The following TBCD variants were observed in gnomAD, a reference collection of about 807,000 sequenced individuals.
TBCD encodes the protein tubulin folding cofactor D.
Under a neutral mutation model 169.3 loss-of-function variants are expected in TBCD, and 105 were observed. The ratio of observed to expected loss-of-function variants is 0.62; its 90% CI spans 0.53 to 0.73. The LOEUF (loss-of-function observed/expected upper bound fraction) is 0.73, where lower values mean the gene tolerates loss of function less well. Ranked by LOEUF, TBCD falls within the 30% of genes least tolerant of loss-of-function variation. TBCD has a pLI of 0.00. For missense variants in TBCD, 1,444 were observed against 1,600.1 expected (o/e 0.90, Z 1.66); for synonymous variants, 700 against 643.9 (o/e 1.09, Z -1.32).
chr17:82,796,311 T>C (rs1191715246), intron 7 of TBCD, among the ~76,000 whole-genome samples: 1 of 152,246 alleles, frequency 6.6e-6, no homozygotes, highest in Non-Finnish European at 1.5e-5. Context: ...TTAAATTAGA[T>C]ACATCTGGAC....
At chr17:82,792,475 C>T (rs927801343) in intron 7 of TBCD, among the ~76,000 whole-genome samples, 2 of 152,106 alleles carry the variant, frequency 1.3e-5, no homozygotes, top group African/African-American at 2.4e-5. Flanking sequence ...GACTCTAGTG[C>T]GATACACTGT....
chr17:82,876,878 A>G, intron 14 of TBCD: 3 of 708,678 alleles, frequency 4.2e-6, no homozygotes, highest in Middle Eastern at 7.3e-4. Flanking sequence ...CTGCCGGGAG[A>G]GGGAGCCGGG....
Position 82,923,864 on chromosome 17 carries a change from C to A in TBCD, c.2260+131C>A. ...CACCACGATCATGGCTGGAGTGGGA[C>A]TGTTCGGGTCTCAGGTTCCCAGCCG... On this transcript the variant is annotated intron_variant, in intron 26 of 38. Transcript: ENST00000355528. The surrounding 1 kb of genome is among the most constrained non-coding windows in gnomAD (Gnocchi z 4.6). The A allele has an allele frequency of 2.8e-6, 2 of 715,328 alleles. No homozygotes were observed. Among genetic ancestry groups the A allele is most frequent in the South Asian group, 2.0e-5 (1 of 49,846 alleles). 44.3% of individuals were successfully genotyped at this position (715,328 alleles called of 1,614,324 possible).
intron 8 of TBCD, among the ~76,000 whole-genome samples, chr17:82,799,092 T>A (rs1253893255): frequency 6.6e-6 from 1 of 152,216 alleles, no homozygotes; most frequent in Non-Finnish European, 1.5e-5. Context: ...AGTGTTTTTC[T>A]CCACGCAGAG....
intron 37 of TBCD, among the ~76,000 whole-genome samples, chr17:82,940,666 A>T (rs1373479613): frequency 3.9e-5 from 6 of 152,132 alleles, no homozygotes; most frequent in Non-Finnish European, 7.4e-5. Context: ...CCAGGAGAGG[A>T]ACCGGGAGCA....
At position 82,938,261 on chromosome 17, in the gene TBCD, C is replaced by T; in HGVS notation, c.3369+125C>T. 6 of 1,112,658 alleles carry T rather than the reference C, an allele frequency of 5.4e-6. No individual in the cohort carries two copies. In the African/African-American group the frequency reaches 7.7e-5, roughly 14 times the overall value. The allele number at this position is 1,112,658 out of a possible 1,614,324, so 68.9% of individuals were successfully genotyped here. A position where few individuals can be genotyped will look rare whatever the true frequency, so the allele number is the denominator to read the frequency against. Reference sequence around the variant, plus strand: ...AGCCGAGCCCCTCTCGTTAACGCGCCTGGGTGACGACGCGTCACAGGCACG... The same window carrying T: ...AGCCGAGCCCCTCTCGTTAACGCGCTTGGGTGACGACGCGTCACAGGCACG... On this transcript the variant is annotated intron_variant, in intron 36 of 38. Coordinates refer to ENST00000355528, the MANE Select transcript of TBCD (RefSeq NM_005993.5).
intron 34 of TBCD, 95 bp downstream of exon 34, chr17:82,932,830 G>C: frequency 7.8e-7 from 1 of 1,283,522 alleles, no homozygotes. Context: ...CAGAATTCCA[G>C]GAAATGATCT....
In TBCD at chr17:82,832,581, G is replaced by C; in HGVS notation, c.1318+17647G>C. ...TCTTTCCCGATCACTTCTATCAGAA[G>C]CCAGCTCTGCGTGCTGAGGGTCTGG... On this transcript the variant is annotated intron_variant, in intron 13 of 38. Transcript: ENST00000355528. This position sits in a 1 kb window ranked among gnomAD's most constrained non-coding sequence, Gnocchi z 4.9. 1 of 832,176 alleles carries C rather than the reference G, an allele frequency of 1.2e-6. No individual in the cohort carries two copies. The highest frequency in any genetic ancestry group is 2.0e-6 in the Non-Finnish European group (1 of 506,280). 51.5% of individuals were successfully genotyped at this position (832,176 alleles called of 1,614,324 possible).
chr17:82,850,051 T>TGCTGC (rs2055570184), intron 13 of TBCD, among the ~76,000 whole-genome samples: 12 of 26,242 alleles, frequency 4.6e-4, no homozygotes, highest in East Asian at 2.6e-3. Flanking sequence ...GGCTGTGCTG[T>TGCTGC]TGTTGGCTGT....
At chr17:82,841,755 C>T (rs2038214167) in intron 13 of TBCD, among the ~76,000 whole-genome samples, 1 of 152,274 alleles carries the variant, frequency 6.6e-6, no homozygotes, top group African/African-American at 2.4e-5. Context: ...TGGCCGAGTG[C>T]TGCTTCTGTT....
intron 34 of TBCD, among the ~76,000 whole-genome samples, chr17:82,936,090 A>G (rs1220452350): frequency 2.0e-5 from 3 of 151,838 alleles, no homozygotes; most frequent in Non-Finnish European, 4.4e-5. Flanking sequence ...CGGGTTTCCC[A>G]CCCCCTGCCC....
chr17:82,939,717 C>T (rs1379107630), intron 37 of TBCD, among the ~76,000 whole-genome samples: 1 of 152,216 alleles, frequency 6.6e-6, no homozygotes, highest in Non-Finnish European at 1.5e-5. Context: ...GCCATCCATC[C>T]CACCAGGGGA....
chr17:82,773,085 CAT>C (rs2048386277), intron 6 of TBCD, among the ~76,000 whole-genome samples: 4 of 152,290 alleles, frequency 2.6e-5, no homozygotes, highest in African/African-American at 9.6e-5. Context: ...TTTTACATGA[CAT>C]GTGATTTTAA....
intron 23 of TBCD, among the ~76,000 whole-genome samples, chr17:82,918,994 T>C (rs913526004): frequency 7.2e-5 from 11 of 152,156 alleles, no homozygotes; most frequent in Non-Finnish European, 8.8e-5. Context: ...AACTAATAAC[T>C]TACGCATAAA....
intron 23 of TBCD, chr17:82,913,337 T>C (rs1365588171): frequency 6.6e-6 from 1 of 152,276 alleles, no homozygotes; most frequent in Non-Finnish European, 1.5e-5. Flanking sequence ...GGTCTGCTTT[T>C]AGGGTCGCTC....
At chr17:82,788,179 A>C (rs983128742) in intron 7 of TBCD, among the ~76,000 whole-genome samples, 1 of 152,200 alleles carries the variant, frequency 6.6e-6, no homozygotes, top group Non-Finnish European at 1.5e-5. Flanking sequence ...TGGAGGTTGC[A>C]GTGAGCCGAC....
intron 13 of TBCD, among the ~76,000 whole-genome samples, chr17:82,843,274 C>T (rs1241028145): frequency 7.7e-6 from 1 of 129,812 alleles, no homozygotes; most frequent in Non-Finnish European, 1.7e-5. Flanking sequence ...TCTGTGTTCC[C>T]TTCCCTTCCC....
intron 17 of TBCD, 28 bp from the exon 18 acceptor site, chr17:82,900,623 C>T (rs1472507795): frequency 1.9e-6 from 3 of 1,601,816 alleles, no homozygotes; most frequent in Non-Finnish European, 2.6e-6. Flanking sequence ...TTCCGCGTCT[C>T]ACCACCTCTC....
chr17:82,911,881 G>GC, intron 23 of TBCD, 92 bp downstream of exon 23: 1 of 1,380,078 alleles, frequency 7.2e-7, no homozygotes, highest in Non-Finnish European at 1.0e-6. Context: ...CGGCCCATTA[G>GC]CCCCCAGGGT....
Sources: allele counts gnomAD v4.1 joint callset (sites outside exome capture counted in the v4.1 genomes callset), GRCh38; gene constraint gnomAD v4.1.1; non-coding constraint Gnocchi (gnomAD v3.1); transcripts MANE v1.5; gene names NCBI Gene and HGNC (gene_info 2026-07-23, HGNC 2026-07-21).